Variants in RORA observed in about 807,000 individuals in gnomAD.
The protein encoded by RORA is RAR related orphan receptor A, also known as nuclear receptor ROR-alpha.
In RORA, 7 loss-of-function variants were observed where a neutral mutation model predicts 69.5. The observed-to-expected ratio is 0.10, with a 90% CI of 0.06 to 0.19. RORA has a LOEUF of 0.19. RORA is among the 10% of genes least tolerant of loss of function. The pLI is 1.00. For missense variants in RORA, 457 were observed against 663.0 expected, an observed-to-expected ratio of 0.69 and a Z score of 3.41; for synonymous variants, 261 against 240.8, an observed-to-expected ratio of 1.08 and a Z score of -0.78.
chr15:61,066,978 G>A (rs968384878), intron 1 of RORA, among the ~76,000 whole-genome samples: 2 of 151,156 alleles, frequency 1.3e-5, no homozygotes, highest in African/African-American at 2.4e-5. Context: ...TTAAAGGTAC[G>A]ATTGTGGAAA....
intron 1 of RORA, among the ~76,000 whole-genome samples, chr15:60,680,443 C>A (rs934164985): frequency 6.6e-6 from 1 of 151,910 alleles, no homozygotes; most frequent in Non-Finnish European, 1.5e-5. Context: ...GTGTTCTCAT[C>A]AAATATTTTC....
intron 1 of RORA, among the ~76,000 whole-genome samples, chr15:60,727,730 C>T (rs548606674): frequency 1.3e-5 from 2 of 152,194 alleles, no homozygotes; most frequent in South Asian, 2.1e-4. Context: ...TTACATGAAC[C>T]GGCCATCGCT....
chr15:60,708,644 A>G (rs951984768), intron 1 of RORA, among the ~76,000 whole-genome samples: 1 of 152,192 alleles, frequency 6.6e-6, no homozygotes, highest in Non-Finnish European at 1.5e-5. Flanking sequence ...CAGGCTCTTC[A>G]TAGAAATCCT....
chr15:60,973,287 G>A (rs1176482867), intron 1 of RORA, among the ~76,000 whole-genome samples: 3 of 152,072 alleles, frequency 2.0e-5, no homozygotes, highest in Non-Finnish European at 2.9e-5. Context: ...ACACCGTGAG[G>A]CCCAGAGAGG....
At chr15:60,906,099 C>CG (rs1262006570) in intron 1 of RORA, among the ~76,000 whole-genome samples, 1 of 152,138 alleles carries the variant, frequency 6.6e-6, no homozygotes, top group African/African-American at 2.4e-5. Flanking sequence ...ACTCTCTTTT[C>CG]GGGGGCTTCA....
chr15:60,952,128 G>C (rs1893126373), intron 1 of RORA, among the ~76,000 whole-genome samples: 1 of 151,132 alleles, frequency 6.6e-6, no homozygotes. Context: ...ATGCAAGGTT[G>C]GTTCAATATA....
At chr15:60,927,194 T>C (rs571356834) in intron 1 of RORA, among the ~76,000 whole-genome samples, 2 of 152,256 alleles carry the variant, frequency 1.3e-5, no homozygotes, top group African/African-American at 4.8e-5. Context: ...TCAACACATG[T>C]GGACCAGTTC....
intron 1 of RORA, among the ~76,000 whole-genome samples, chr15:61,225,546 T>C (rs2080138023): frequency 6.6e-6 from 1 of 152,186 alleles, no homozygotes; most frequent in Non-Finnish European, 1.5e-5. Context: ...GGGGGTTCGA[T>C]CTCAACCCAA....
At chr15:61,184,455 T>G (rs4775372) in intron 1 of RORA, among the ~76,000 whole-genome samples, 4,458 of 152,252 alleles carry the variant, frequency 0.029, 109 homozygotes, top group Non-Finnish European at 0.041. Flanking sequence ...AGTCTCTCTT[T>G]CCTTAGAATT....
chr15:61,028,473 G>A (rs1356721501), intron 1 of RORA, among the ~76,000 whole-genome samples: 2 of 152,206 alleles, frequency 1.3e-5, no homozygotes, highest in African/African-American at 4.8e-5. Context: ...GGGGCCCTTT[G>A]TTAGGTGTTA....
chr15:61,117,830 C>T (rs1053014965), intron 1 of RORA, among the ~76,000 whole-genome samples: 11 of 152,052 alleles, frequency 7.2e-5, no homozygotes, highest in African/African-American at 1.7e-4. Flanking sequence ...AATGCAATAA[C>T]GATAGACATA....
chr15:60,624,848 G>T (rs1403331361), intron 2 of RORA, among the ~76,000 whole-genome samples: 2 of 152,042 alleles, frequency 1.3e-5, no homozygotes, highest in Non-Finnish European at 2.9e-5. Context: ...CTCAGACAAA[G>T]AAGCTCTGTA....
At chr15:60,851,207 G>A (rs975228658) in intron 1 of RORA, among the ~76,000 whole-genome samples, 2 of 152,094 alleles carry the variant, frequency 1.3e-5, no homozygotes, top group Non-Finnish European at 2.9e-5. Context: ...ATGGCTACAC[G>A]GCAATTTATG....
At chr15:60,809,886 C>G (rs536938535) in intron 1 of RORA, among the ~76,000 whole-genome samples, 9 of 152,008 alleles carry the variant, frequency 5.9e-5, no homozygotes, top group Admixed American at 5.9e-4. Flanking sequence ...ATGTAAGTTT[C>G]AATGCATTCA....
chr15:60,507,778 G>C (rs2065558966), intron 5 of RORA, among the ~76,000 whole-genome samples: 1 of 152,166 alleles, frequency 6.6e-6, no homozygotes, highest in African/African-American at 2.4e-5. Flanking sequence ...AGTCTTCGCA[G>C]GGAAGTAGGG....
intron 2 of RORA, among the ~76,000 whole-genome samples, chr15:60,561,271 C>T (rs951562706): frequency 7.9e-5 from 12 of 151,360 alleles, no homozygotes; most frequent in Non-Finnish European, 1.5e-4. Flanking sequence ...TTAGTAGAGA[C>T]GGGGTTTCAC....
chr15:60,577,391 C>T (rs1215616958), intron 2 of RORA, among the ~76,000 whole-genome samples: 5 of 152,258 alleles, frequency 3.3e-5, no homozygotes, highest in Admixed American at 2.6e-4. Flanking sequence ...CGCCTGTAAT[C>T]CCAGTACTTT....
chr15:61,139,152 A>G (rs987850944), intron 1 of RORA, among the ~76,000 whole-genome samples: 3 of 152,194 alleles, frequency 2.0e-5, no homozygotes, highest in Non-Finnish European at 2.9e-5. Flanking sequence ...TAAAAAAAAA[A>G]AAAAAGTTAA....
At chr15:61,227,581 G>A (rs1036285009) in intron 1 of RORA, among the ~76,000 whole-genome samples, 6 of 152,068 alleles carry the variant, frequency 3.9e-5, no homozygotes, top group Non-Finnish European at 5.9e-5. Flanking sequence ...CTAAGGTGGG[G>A]GGGGGGATAC....
Sources: allele counts gnomAD v4.1 joint callset (sites outside exome capture counted in the v4.1 genomes callset), GRCh38; gene constraint gnomAD v4.1.1; transcripts MANE v1.5; gene names NCBI Gene and HGNC (gene_info 2026-07-23, HGNC 2026-07-21).